KITLG: variants seen among roughly 807,000 people sequenced by gnomAD.
The protein encoded by KITLG is c-Kit ligand.
Under a neutral mutation model 34.1 loss-of-function variants are expected in KITLG, and 13 were observed. The observed-to-expected ratio is 0.38, with a 90% CI of 0.25 to 0.61. KITLG has a LOEUF of 0.61. KITLG is among the 20% of genes least tolerant of loss of function. The pLI, the probability that KITLG is intolerant of heterozygous loss-of-function variation, is 0.60. For missense variants in KITLG, 292 were observed against 318.9 expected (o/e 0.92, Z 0.64); for synonymous variants, 110 against 104.0 (o/e 1.06, Z -0.35).
chr12:88,534,775 C>T (rs1870246004), intron 2 of KITLG: 2 of 444,714 alleles, frequency 4.5e-6, no homozygotes, highest in Non-Finnish European at 8.8e-6. Context: ...TTCTTCCTCT[C>T]AAACTTTCCA....
chr12:88,551,175 C>T (rs1246750286), intron 1 of KITLG, among the ~76,000 whole-genome samples: 10 of 152,214 alleles, frequency 6.6e-5, no homozygotes, highest in African/African-American at 2.2e-4. Context: ...TACTTTGCTA[C>T]CATTAAAAAT....
intron 8 of KITLG, among the ~76,000 whole-genome samples, chr12:88,505,756 G>GA (rs1274684814): frequency 3.3e-5 from 5 of 152,154 alleles, no homozygotes; most frequent in Admixed American, 6.5e-5. Flanking sequence ...ATATACAAGA[G>GA]AAAATCACTG....
At chr12:88,525,137 A>T (rs1439274138) in intron 3 of KITLG, among the ~76,000 whole-genome samples, 1 of 152,226 alleles carries the variant, frequency 6.6e-6, no homozygotes, top group Non-Finnish European at 1.5e-5. Context: ...ACATTCTACC[A>T]AGTGACTGGA....
chr12:88,515,917 G>C (rs1477062575), intron 5 of KITLG, among the ~76,000 whole-genome samples: 1 of 151,696 alleles, frequency 6.6e-6, no homozygotes, highest in Non-Finnish European at 1.5e-5. Flanking sequence ...GTATTATAGG[G>C]ACCCAGTGAA....
chr12:88,551,256 T>C (rs1365966614), intron 1 of KITLG, among the ~76,000 whole-genome samples: 1 of 152,176 alleles, frequency 6.6e-6, no homozygotes, highest in Non-Finnish European at 1.5e-5. Flanking sequence ...ATAATCAAGT[T>C]AGAAATATTG....
At chr12:88,515,354 C>T (rs1869418459) in intron 6 of KITLG, among the ~76,000 whole-genome samples, 180 bp downstream of exon 6, 1 of 151,824 alleles carries the variant, frequency 6.6e-6, no homozygotes, top group South Asian at 2.1e-4. Context: ...TAAACATTAT[C>T]TCCAGCTCTA....
intron 3 of KITLG, among the ~76,000 whole-genome samples, chr12:88,527,583 C>T (rs572528196): frequency 4.1e-4 from 63 of 152,200 alleles, no homozygotes; most frequent in Non-Finnish European, 6.8e-4. Flanking sequence ...AGGTAAGTAT[C>T]ATCAATAGAT....
intron 3 of KITLG, among the ~76,000 whole-genome samples, chr12:88,527,955 TAG>T (rs1423872720): frequency 1.3e-5 from 2 of 152,166 alleles, no homozygotes; most frequent in Non-Finnish European, 2.9e-5. Flanking sequence ...TAAAGGAGAC[TAG>T]AGAGACAGGA....
intron 1 of KITLG, 149 bp from the exon 2 acceptor site, chr12:88,546,014 A>G (rs766538898): frequency 1.5e-5 from 11 of 733,338 alleles, no homozygotes; most frequent in Non-Finnish European, 2.8e-5. Flanking sequence ...CATTCAAGCT[A>G]TGCTCACCAA....
intron 1 of KITLG, among the ~76,000 whole-genome samples, chr12:88,577,226 C>T (rs910444695): frequency 6.6e-6 from 1 of 152,150 alleles, no homozygotes; most frequent in Non-Finnish European, 1.5e-5. Context: ...TTCATACAGA[C>T]ATAAAAGAGA....
intron 3 of KITLG, among the ~76,000 whole-genome samples, chr12:88,527,629 G>A (rs1213821509): frequency 6.6e-6 from 1 of 152,186 alleles, no homozygotes; most frequent in African/African-American, 2.4e-5. Context: ...GAAGGAGAAG[G>A]ATTGCTTATA....
intron 3 of KITLG, among the ~76,000 whole-genome samples, chr12:88,532,096 T>C (rs1304128287): frequency 6.6e-6 from 1 of 152,110 alleles, no homozygotes; most frequent in African/African-American, 2.4e-5. Flanking sequence ...GCAAATACTA[T>C]GCCATTCATA....
rs1352151566 is a variant in KITLG at position 88,497,136 on chromosome 12, G to A, written c.*83C>T. On this transcript the variant is annotated 3_prime_UTR_variant, in exon 10 of 10. Transcript: ENST00000644744. ...GTCACTCCAGACAGAATATGAATTT[G>A]TTTAAAGCTGCTTCATTTATGAAGC... 4.5e-6 allele frequency: 2 copies of A among 448,544 alleles called. No homozygotes were observed. Among genetic ancestry groups the A allele is most frequent in the Non-Finnish European group, 4.5e-6 (1 of 223,352 alleles). The allele number at this position is 448,544 out of a possible 1,614,324, so 27.8% of individuals were successfully genotyped here.
intron 9 of KITLG, among the ~76,000 whole-genome samples, chr12:88,499,721 G>C (rs1456070879): frequency 6.6e-6 from 1 of 152,116 alleles, no homozygotes; most frequent in Non-Finnish European, 1.5e-5. Context: ...AATCATTCTT[G>C]AGTTCTGCCT....
intron 6 of KITLG, among the ~76,000 whole-genome samples, chr12:88,507,463 C>A (rs1415093497): frequency 6.6e-6 from 1 of 152,204 alleles, no homozygotes; most frequent in Non-Finnish European, 1.5e-5. Flanking sequence ...ATCTATCTCC[C>A]ATGCCTTTAT....
At chr12:88,576,131 G>A (rs1629844) in intron 1 of KITLG, among the ~76,000 whole-genome samples, 4,166 of 152,158 alleles carry the variant, frequency 0.027, 192 homozygotes, top group African/African-American at 0.095. Flanking sequence ...ATGAAACTGA[G>A]TCAGCGATAA....
At chr12:88,555,985 C>T (rs1231912824) in intron 1 of KITLG, among the ~76,000 whole-genome samples, 1 of 151,984 alleles carries the variant, frequency 6.6e-6, no homozygotes, top group Non-Finnish European at 1.5e-5. Flanking sequence ...ACAGCTAAAC[C>T]TGACTTGGGG....
At position 88,545,931 on chromosome 12, in the gene KITLG, A is replaced by C. The variant is rs944978320; in HGVS notation, c.16-66T>G. 6.6e-6 allele frequency: 6 copies of C among 909,712 alleles called. No individual in the cohort carries two copies. In the African/African-American group the frequency reaches 8.1e-5, roughly 12 times the overall value. 56.4% of individuals were successfully genotyped at this position (909,712 alleles called of 1,614,324 possible). A position where few individuals can be genotyped will look rare whatever the true frequency, so the allele number is the denominator to read the frequency against. Reference sequence around the variant, plus strand: ...AGATCTGTAATCATTCAAACTTTTAACATCTAATGCCTTGATGCACAAAAA... The same window carrying C: ...AGATCTGTAATCATTCAAACTTTTACCATCTAATGCCTTGATGCACAAAAA... On this transcript the variant is annotated intron_variant, in intron 1 of 9. Coordinates refer to ENST00000644744, the MANE Select transcript of KITLG (RefSeq NM_000899.5).
At chr12:88,577,756 A>T (rs927706125) in intron 1 of KITLG, among the ~76,000 whole-genome samples, 13 of 152,214 alleles carry the variant, frequency 8.5e-5, no homozygotes, top group African/African-American at 3.1e-4. Context: ...TGAATGAATC[A>T]TTCATCAAAC....
Sources: gnomAD v4.1 joint callset for allele counts (sites outside exome capture counted in the v4.1 genomes callset) on GRCh38, gnomAD v4.1.1 for gene constraint, MANE v1.5 for transcripts, NCBI Gene and HGNC (gene_info 2026-07-23, HGNC 2026-07-21) for gene names.